EDIL3: variants seen among roughly 807,000 people sequenced by gnomAD.
EDIL3 encodes the protein EGF like and discoidin domains 3.
EDIL3 carries 37 observed loss-of-function variants against 67.4 expected under a neutral mutation model. That is an observed-to-expected ratio of 0.55 (90% CI 0.42 to 0.72). The LOEUF (loss-of-function observed/expected upper bound fraction) is 0.72, where lower values mean the gene tolerates loss of function less well. Ranked by LOEUF, EDIL3 falls within the 30% of genes least tolerant of loss-of-function variation. EDIL3 has a pLI of 0.00. For missense variants in EDIL3, 527 were observed against 586.3 expected (o/e 0.90, Z 1.04); for synonymous variants, 195 against 196.3 (o/e 0.99, Z 0.05).
intron 1 of EDIL3, among the ~76,000 whole-genome samples, chr5:84,256,390 C>T (rs1745124756): frequency 6.6e-6 from 1 of 152,138 alleles, no homozygotes; most frequent in Non-Finnish European, 1.5e-5. Flanking sequence ...AACTGGTATA[C>T]ATGATCCAAA....
At chr5:84,343,801 G>A (rs1403924999) in intron 1 of EDIL3, among the ~76,000 whole-genome samples, 3 of 152,032 alleles carry the variant, frequency 2.0e-5, no homozygotes, top group African/African-American at 7.3e-5. Context: ...TAGAACCTGG[G>A]AAAGAAGTAT....
chr5:84,283,256 C>G (rs1745740300), intron 1 of EDIL3, among the ~76,000 whole-genome samples: 1 of 152,094 alleles, frequency 6.6e-6, no homozygotes, highest in African/African-American at 2.4e-5. Context: ...ATACAATAAT[C>G]ATAACATCAT....
At chr5:84,142,829 C>T (rs78303919) in intron 4 of EDIL3, among the ~76,000 whole-genome samples, 2,537 of 145,792 alleles carry the variant, frequency 0.017, 80 homozygotes, top group African/African-American at 0.059. Flanking sequence ...GCCCCCCCCC[C>T]CAAGCTTTTT....
chr5:83,978,408 T>TA (rs917537348), intron 9 of EDIL3, among the ~76,000 whole-genome samples: 2 of 151,862 alleles, frequency 1.3e-5, no homozygotes, highest in Admixed American at 6.6e-5. Context: ...AGCCTCAATG[T>TA]AAAAAAGATA....
At chr5:84,233,156 A>T (rs1744615487) in intron 2 of EDIL3, among the ~76,000 whole-genome samples, 1 of 152,212 alleles carries the variant, frequency 6.6e-6, no homozygotes. Flanking sequence ...GAATGTACTG[A>T]AATTATAATG....
intron 5 of EDIL3, among the ~76,000 whole-genome samples, chr5:84,121,009 A>G (rs1580336934): frequency 1.3e-5 from 2 of 152,124 alleles, no homozygotes; most frequent in Non-Finnish European, 2.9e-5. Flanking sequence ...GGGGATTACT[A>G]TAAAATGAAA....
intron 3 of EDIL3, among the ~76,000 whole-genome samples, chr5:84,220,926 G>C (rs1744329456): frequency 8.7e-6 from 1 of 115,148 alleles, no homozygotes; most frequent in South Asian, 2.8e-4. Flanking sequence ...TTAATACTAA[G>C]ATAAATTTTC....
chr5:83,994,538 T>C (rs1745204997), intron 9 of EDIL3, among the ~76,000 whole-genome samples: 1 of 152,178 alleles, frequency 6.6e-6, no homozygotes, highest in African/African-American at 2.4e-5. Context: ...AATAAGCTGT[T>C]TTTCCTATAA....
chr5:84,231,911 G>A (rs921261960), intron 2 of EDIL3, among the ~76,000 whole-genome samples: 3 of 152,074 alleles, frequency 2.0e-5, no homozygotes, highest in Non-Finnish European at 4.4e-5. Flanking sequence ...CTTATGGCTG[G>A]TCACTTTATG....
intron 3 of EDIL3, chr5:84,180,949 T>C (rs1484372013): frequency 6.6e-6 from 1 of 152,390 alleles, no homozygotes; most frequent in Non-Finnish European, 1.5e-5. Flanking sequence ...AAAGTAATAT[T>C]GAATAGCAAT....
intron 2 of EDIL3, 56 bp from the exon 3 acceptor site, chr5:84,229,940 AG>A: frequency 7.1e-7 from 1 of 1,414,352 alleles, no homozygotes; most frequent in Non-Finnish European, 9.7e-7. Context: ...GGGAGGGAGA[AG>A]GGGGGAGAGA....
At position 84,066,454 on chromosome 5, in the gene EDIL3, G is replaced by T. The variant is rs1420671232; in HGVS notation, c.804C>A (p.Asp268Glu). The change falls in exon 7 of 11, where the codon GAC (aspartate) becomes GAA (glutamate). Residue 268 changes from aspartate (D) to glutamate (E), a missense_variant. Coordinates refer to ENST00000296591, the MANE Select transcript of EDIL3 (RefSeq NM_005711.5). ...AAGTAGGTTAAATTATTCTTACCAT[G>T]TCTTCATTGGTGCCTTTCACTTTGT... Reference protein sequence around the residue: ...AMYKVKGTNEDMVFRGNIDNN... With the variant: ...AMYKVKGTNEEMVFRGNIDNN... 8 of 1,591,614 alleles carry T rather than the reference G, an allele frequency of 5.0e-6. No homozygotes were observed. The highest frequency in any genetic ancestry group is 2.7e-5 in the African/African-American group (2 of 73,364).
At chr5:84,020,359 G>A (rs1031286648) in intron 9 of EDIL3, among the ~76,000 whole-genome samples, 9 of 152,032 alleles carry the variant, frequency 5.9e-5, no homozygotes, top group East Asian at 1.9e-4. Flanking sequence ...TTTCTCCAGA[G>A]ATAGTTGTCT....
Position 84,060,471 on chromosome 5 carries a change from A to T in EDIL3, c.966T>A (p.Pro322=), listed in dbSNP as rs147149050. The change falls in exon 9 of 11, where the codon CCT becomes CCA. Residue 322 remains proline (P), a synonymous_variant. Coordinates refer to ENST00000296591, the MANE Select transcript of EDIL3 (RefSeq NM_005711.5). ...LGCELSGCSE[P]LGMKSGHIQD... ...GTATATGTCCTGATTTCATACCCAG[A>T]GGCTCAGAACAACCTGAAAGAAAAT... The T allele has an allele frequency of 6.2e-7, 1 of 1,613,446 alleles. No homozygotes were observed. The highest frequency in any genetic ancestry group is 1.3e-5 in the African/African-American group (1 of 74,862).
intron 3 of EDIL3, among the ~76,000 whole-genome samples, chr5:84,208,622 T>C (rs1177362224): frequency 7.7e-6 from 1 of 130,600 alleles, no homozygotes; most frequent in Non-Finnish European, 1.5e-5. Flanking sequence ...GAGCTTGCAG[T>C]GAGCCGAGAT....
chr5:84,368,715 G>A (rs137965323), intron 1 of EDIL3, among the ~76,000 whole-genome samples: 97 of 151,944 alleles, frequency 6.4e-4, no homozygotes, highest in African/African-American at 2.2e-3. Context: ...AAAAAAATTT[G>A]CAAAACATAT....
At chr5:83,996,155 G>A (rs1745235519) in intron 9 of EDIL3, among the ~76,000 whole-genome samples, 1 of 152,144 alleles carries the variant, frequency 6.6e-6, no homozygotes, top group South Asian at 2.1e-4. Flanking sequence ...CATTATGTAA[G>A]TGCCATTGAA....
chr5:84,221,564 A>T (rs1343589150), intron 3 of EDIL3, among the ~76,000 whole-genome samples: 2 of 139,734 alleles, frequency 1.4e-5, no homozygotes, highest in African/African-American at 2.8e-5. Flanking sequence ...TTTAATTTTT[A>T]AAAAAAGGAA....
intron 9 of EDIL3, among the ~76,000 whole-genome samples, chr5:83,984,686 A>T (rs548324775): frequency 6.6e-6 from 1 of 152,174 alleles, no homozygotes; most frequent in East Asian, 1.9e-4. Context: ...TTTGCAGAGC[A>T]GGAAGCCAGG....
Sources: allele counts gnomAD v4.1 joint callset (sites outside exome capture counted in the v4.1 genomes callset), GRCh38; gene constraint gnomAD v4.1.1; transcripts MANE v1.5; gene names NCBI Gene and HGNC (gene_info 2026-07-23, HGNC 2026-07-21).